The following PIK3C2G variants were observed in gnomAD, a reference collection of about 807,000 sequenced individuals.
PIK3C2G encodes phosphatidylinositol 3-kinase C2 domain-containing subunit gamma.
PIK3C2G carries 168 observed loss-of-function variants against 181.1 expected under a neutral mutation model. The ratio of observed to expected loss-of-function variants is 0.93; its 90% CI spans 0.82 to 1.05. The LOEUF is 1.05. Among genes scored for constraint, PIK3C2G ranks in the 50% least tolerant of loss-of-function variants. The pLI is 0.00. For missense variants in PIK3C2G, 1,869 were observed against 1,732.8 expected, an observed-to-expected ratio of 1.08 and a Z score of -1.40; for synonymous variants, 573 against 592.2, an observed-to-expected ratio of 0.97 and a Z score of 0.47.
At chr12:18,510,533 T>C (rs947121194) in intron 24 of PIK3C2G, among the ~76,000 whole-genome samples, 3 of 152,192 alleles carry the variant, frequency 2.0e-5, no homozygotes, top group Non-Finnish European at 4.4e-5. Context: ...CATACTTTTA[T>C]TTTTTAGACT....
chr12:18,708,596 A>G, the PIK3C2G span, among the ~76,000 whole-genome samples: 1 of 152,122 alleles, frequency 6.6e-6, no homozygotes, highest in East Asian at 1.9e-4. Context: ...CTGTATTCCC[A>G]TTGGTGGTAC....
intron 1 of PIK3C2G, among the ~76,000 whole-genome samples, chr12:18,265,767 A>T (rs911553403): frequency 2.0e-5 from 3 of 152,016 alleles, no homozygotes. Flanking sequence ...TAATCCCAGC[A>T]CTTTGGGAGG....
intron 1 of PIK3C2G, among the ~76,000 whole-genome samples, chr12:18,255,768 T>G (rs7962298): frequency 0.44 from 66,699 of 151,836 alleles, 15,063 homozygotes; most frequent in East Asian, 0.75. Flanking sequence ...AAAAATACTG[T>G]GGAACAACTT....
the PIK3C2G span, among the ~76,000 whole-genome samples, chr12:18,715,192 G>GGAGAGAGA: frequency 3.5e-3 from 31 of 8,946 alleles, 2 homozygotes; most frequent in African/African-American, 0.01. Flanking sequence ...GCGGAGGGAG[G>GGAGAGAGA]GAGAGAGAGA....
downstream of PIK3C2G, among the ~76,000 whole-genome samples, chr12:18,650,704 G>GTGTGTGTATA (rs1950446696): frequency 1.7e-5 from 1 of 57,764 alleles, no homozygotes; most frequent in African/African-American, 5.2e-5. Context: ...GTGTGTGTGT[G>GTGTGTGTATA]TATATATCTA....
At chr12:18,257,036 C>T (rs1385635999), upstream of PIK3C2G, among the ~76,000 whole-genome samples, 3 of 152,058 alleles carry the variant, frequency 2.0e-5, no homozygotes, top group Non-Finnish European at 4.4e-5. Context: ...CAGCTTTTGC[C>T]ATGCCTGACA....
intron 6 of PIK3C2G, 57 bp from the exon 7 acceptor site, chr12:18,320,905 T>C: frequency 5.4e-6 from 5 of 918,802 alleles, no homozygotes; most frequent in Non-Finnish European, 8.6e-6. Context: ...GACCTATTTT[T>C]ATCTGGTACT....
intron 18 of PIK3C2G, among the ~76,000 whole-genome samples, chr12:18,457,479 T>A (rs1947694095): frequency 6.6e-6 from 1 of 152,162 alleles, no homozygotes; most frequent in Non-Finnish European, 1.5e-5. Context: ...CTCAGTTCCG[T>A]GTGAGCCCTT....
At chr12:18,537,762 T>C (rs1293864740) in intron 24 of PIK3C2G, among the ~76,000 whole-genome samples, 1 of 152,064 alleles carries the variant, frequency 6.6e-6, no homozygotes, top group Non-Finnish European at 1.5e-5. Context: ...TTTTTAATAC[T>C]ATAAGGTCAA....
intron 16 of PIK3C2G, among the ~76,000 whole-genome samples, chr12:18,407,136 C>A (rs943491533): frequency 6.6e-6 from 1 of 151,990 alleles, no homozygotes; most frequent in African/African-American, 2.4e-5. Context: ...ACCAAACATT[C>A]TTATCATGAA....
chr12:18,592,085 T>A (rs947143457), intron 29 of PIK3C2G, among the ~76,000 whole-genome samples: 1 of 151,820 alleles, frequency 6.6e-6, no homozygotes, highest in African/African-American at 2.4e-5. Context: ...CTTTTGTGGT[T>A]TGATTTGTGC....
intron 8 of PIK3C2G, 116 bp downstream of exon 8, chr12:18,325,214 A>G: frequency 1.6e-6 from 1 of 624,892 alleles, no homozygotes; most frequent in South Asian, 2.0e-5. Context: ...CAGAGGATCT[A>G]CACTTGAAAG....
In PIK3C2G at chr12:18,293,370, A is replaced by G. The variant is rs147912500; in HGVS notation, c.920-531A>G. ...GAACATTGATAAGAACATCTTAATGATCACAGAATTGTCTTAATGTCATGG... is the reference window on the plus strand; with the variant it reads ...GAACATTGATAAGAACATCTTAATGGTCACAGAATTGTCTTAATGTCATGG... On this transcript the variant is annotated intron_variant, in intron 4 of 32. Transcript: ENST00000538779. Among the ~76,000 whole-genome samples the G allele has an allele frequency of 7.2e-5, 11 of 152,310 alleles. No individual in the cohort carries two copies. The East Asian group carries it at 2.1e-3, about 29-fold the overall frequency.
chr12:18,573,182 A>G (rs1946058296), intron 29 of PIK3C2G, among the ~76,000 whole-genome samples: 1 of 152,146 alleles, frequency 6.6e-6, no homozygotes, highest in African/African-American at 2.4e-5. Context: ...ATAATTTACC[A>G]CCTAGGTTAC....
At chr12:18,461,014 T>C (rs535188748) in intron 18 of PIK3C2G, among the ~76,000 whole-genome samples, 5 of 152,150 alleles carry the variant, frequency 3.3e-5, no homozygotes, top group Non-Finnish European at 5.9e-5. Flanking sequence ...AGTTGTGATA[T>C]AGAAGTGTTA....
chr12:18,608,192 C>T (rs1313133171), intron 30 of PIK3C2G, among the ~76,000 whole-genome samples: 1 of 152,124 alleles, frequency 6.6e-6, no homozygotes, highest in Non-Finnish European at 1.5e-5. Context: ...TTAGACCCAG[C>T]CATCCCATTA....
At position 18,286,873 on chromosome 12, in the gene PIK3C2G, G is replaced by T. The variant is rs1400083350; in HGVS notation, c.705G>T (p.Val235=). ...CAATAGGTTGTTCCATTCAGCTAGTGGAAGTACCTCAAAGCAGCAATACGA... is the reference window on the plus strand; with the variant it reads ...CAATAGGTTGTTCCATTCAGCTAGTTGAAGTACCTCAAAGCAGCAATACGA... ...IESIGCSIQL[V]EVPQSSNTSL... is the part of the protein sequence containing the mutation. The change falls in exon 3 of 33, where the codon GTG becomes GTT. Residue 235 remains valine (V), a synonymous_variant. Coordinates refer to ENST00000538779, the MANE Select transcript of PIK3C2G (RefSeq NM_001288772.2). The T allele has an allele frequency of 1.3e-6, 2 of 1,568,824 alleles. No homozygotes were observed. Among genetic ancestry groups the T allele is most frequent in the Non-Finnish European group, 1.7e-6 (2 of 1,155,096 alleles).
Position 18,595,913 on chromosome 12 carries a change from G to T in PIK3C2G, c.4087+1344G>T, listed in dbSNP as rs549424645. 3.3e-5 allele frequency among the ~76,000 whole-genome samples: 5 copies of T among 152,038 alleles called. No homozygotes were observed. The East Asian group carries it at 9.7e-4, about 29-fold the overall frequency. On this transcript the variant is annotated intron_variant, in intron 30 of 32. Transcript: ENST00000538779. ...GCAGAATATGGTCTTTGCTATACAC[G>T]CCTAGAATGTTATTTCTTCAAAACA...
rs1427347988 is a variant in PIK3C2G, at chr12:18,266,544, T to A, written c.-79+4967T>A. 2.0e-5 allele frequency among the ~76,000 whole-genome samples: 3 copies of A among 152,180 alleles called. No individual in the cohort carries two copies. The East Asian group carries it at 5.8e-4, about 29-fold the overall frequency. ...AGAGTTACTATTAGTTCCCTATTAT[T>A]GAGTTCTTATTTTGATTAAAATTTT... is the stretch of plus-strand genomic sequence containing the variant. On this transcript the variant is annotated intron_variant, in intron 1 of 32. Coordinates refer to ENST00000538779, the MANE Select transcript of PIK3C2G (RefSeq NM_001288772.2).
Sources: allele counts gnomAD v4.1 joint callset (sites outside exome capture counted in the v4.1 genomes callset), GRCh38; gene constraint gnomAD v4.1.1; transcripts MANE v1.5; gene names NCBI Gene and HGNC (gene_info 2026-07-23, HGNC 2026-07-21).